The following SPIC variants were observed in gnomAD, a reference collection of about 807,000 sequenced individuals.
The protein encoded by SPIC is Spi-C transcription factor.
In SPIC, 9 loss-of-function variants were observed where a neutral mutation model predicts 16.7. That is an observed-to-expected ratio of 0.54 (90% CI 0.33 to 0.94). The LOEUF is 0.94. Among genes scored for constraint, SPIC ranks in the 40% least tolerant of loss-of-function variants. The probability of loss-of-function intolerance (pLI) is 0.03; values close to 1 mark genes in which losing one functional copy is unlikely to be tolerated. For synonymous variants in SPIC, 97 were observed against 102.9 expected, an observed-to-expected ratio of 0.94 and a Z score of 0.35; for missense variants, 241 against 285.8, an observed-to-expected ratio of 0.84 and a Z score of 1.13.
At position 101,480,829 on chromosome 12, in the gene SPIC, A is replaced by T. The variant is rs553230109; in HGVS notation, c.210+1135A>T. ...GAGCAAGACCCTGTCTCAAAAAAAA[A>T]TTTTGTAAATAAAAATTTTAAATAG... On this transcript the variant is annotated intron_variant, in intron 4 of 5. Transcript: ENST00000551346. 2.2e-3 allele frequency among the ~76,000 whole-genome samples: 338 copies of T among 152,322 alleles called. 2 individuals are homozygous for T. Among genetic ancestry groups the T allele is most frequent in the Non-Finnish European group, 2.5e-3 (167 of 68,014 alleles).
At chr12:101,476,413 A>G (rs940250316) in intron 1 of SPIC, among the ~76,000 whole-genome samples, 1 of 152,194 alleles carries the variant, frequency 6.6e-6, no homozygotes, top group African/African-American at 2.4e-5. Context: ...CTTTTGCCAG[A>G]TTCTCAGAAG....
At chr12:101,482,595 C>A (rs899869463) in intron 4 of SPIC, among the ~76,000 whole-genome samples, 197 bp from the exon 5 acceptor site, 2 of 151,994 alleles carry the variant, frequency 1.3e-5, no homozygotes, top group Admixed American at 6.6e-5. Flanking sequence ...CAAGGATTAC[C>A]CTCTGTCCCC....
At chr12:101,477,213 A>G (rs1242340017) in intron 2 of SPIC, among the ~76,000 whole-genome samples, 1 of 152,216 alleles carries the variant, frequency 6.6e-6, no homozygotes, top group East Asian at 1.9e-4. Context: ...AATGTTAAAT[A>G]CTGTACTATA....
intron 5 of SPIC, among the ~76,000 whole-genome samples, chr12:101,485,549 G>A (rs1873338063): frequency 6.6e-6 from 1 of 152,032 alleles, no homozygotes; most frequent in Non-Finnish European, 1.5e-5. Context: ...TATTTTTCAA[G>A]TAATTGTGCA....
rs758770464 is a variant in SPIC at position 101,479,583 on chromosome 12, T to C, written c.99T>C (p.Asp33=). The C allele has an allele frequency of 1.2e-6, 2 of 1,609,670 alleles. No homozygotes were observed. Among genetic ancestry groups the C allele is most frequent in the Admixed American group, 3.4e-5 (2 of 59,150 alleles). ...HSTGDLQYSP[D]YRNYLALINH... ...TTTCTTTCTCTGATTTAAAATTAGATTACAGAAATTACCTGGCTTTAATCA... is the reference window on the plus strand; with the variant it reads ...TTTCTTTCTCTGATTTAAAATTAGACTACAGAAATTACCTGGCTTTAATCA... Residue 33 remains aspartate, a splice_region_variant and synonymous_variant, in exon 4 of 6, where the codon GAT becomes GAC. Transcript: ENST00000551346.
chr12:101,479,302 AAGAAAAAAG>A (rs796081211), intron 3 of SPIC, among the ~76,000 whole-genome samples: 535 of 30,522 alleles, frequency 0.018, 29 homozygotes, highest in Middle Eastern at 0.071. Context: ...GAAAGAAAGA[AAGAAAAAAG>A]AAAGAAAGAA....
rs757615207 is a variant in SPIC, at chr12:101,479,573, T to C, written c.98-9T>C. 1 of 1,606,386 alleles carries C rather than the reference T, an allele frequency of 6.2e-7. No individual in the cohort carries two copies. Among genetic ancestry groups the C allele is most frequent in the East Asian group, 2.2e-5 (1 of 44,764 alleles). On this transcript the variant is annotated splice_polypyrimidine_tract_variant and intron_variant, in intron 3 of 5. Coordinates refer to ENST00000551346, the MANE Select transcript of SPIC (RefSeq NM_152323.3). ...ACTTTTTTAGTTTCTTTCTCTGATT[T>C]AAAATTAGATTACAGAAATTACCTG... is the stretch of plus-strand genomic sequence containing the variant.
In SPIC at chr12:101,475,467, T is replaced by C. The variant is rs1324926983; in HGVS notation, c.-113T>C. On this transcript the variant is annotated 5_prime_UTR_variant, in exon 1 of 6. It removes an upstream start codon present in the reference 5' UTR. Transcript: ENST00000551346. ...GTTGAATTTACCGTTCTGATATTAA[T>C]GAAACATCTCTATAAAGGGTTGAAG... 6.6e-6 allele frequency: 1 copy of C among 152,204 alleles called. No homozygotes were observed. Among genetic ancestry groups the C allele is most frequent in the Non-Finnish European group, 1.5e-5 (1 of 68,040 alleles). 9.4% of individuals were successfully genotyped at this position (152,204 alleles called of 1,614,324 possible).
intron 4 of SPIC, 115 bp downstream of exon 4, chr12:101,479,809 T>G: frequency 1.5e-6 from 1 of 667,822 alleles, no homozygotes; most frequent in Non-Finnish European, 2.3e-6. Context: ...TGAAAATGGT[T>G]TTTTCTTTCT....
intron 3 of SPIC, among the ~76,000 whole-genome samples, chr12:101,478,683 T>C (rs1873038830): frequency 1.3e-5 from 2 of 152,230 alleles, no homozygotes. Flanking sequence ...CAATGAATCT[T>C]ATAGACCTTC....
At chr12:101,482,984 T>C (rs977609808) in intron 5 of SPIC, 84 bp downstream of exon 5, 34 of 1,261,758 alleles carry the variant, frequency 2.7e-5, no homozygotes, top group Non-Finnish European at 3.8e-5. Context: ...TAACTGAGTT[T>C]GGAATTGAAT....
intron 1 of SPIC, among the ~76,000 whole-genome samples, chr12:101,475,905 G>A (rs1872944181): frequency 6.6e-6 from 1 of 151,710 alleles, no homozygotes; most frequent in Non-Finnish European, 1.5e-5. Context: ...CTGACATGAT[G>A]TAATGATTTC....
chr12:101,477,432 C>A, intron 2 of SPIC, 126 bp from the exon 3 acceptor site: 1 of 848,672 alleles, frequency 1.2e-6, no homozygotes, highest in Non-Finnish European at 1.9e-6. Context: ...CAGAGACAGC[C>A]AACACCAAAT....
chr12:101,477,562 G>A lies in SPIC; in HGVS notation c.8G>A (p.Cys3Tyr). The A allele has an allele frequency of 6.2e-7, 1 of 1,613,882 alleles. No homozygotes were observed. Among genetic ancestry groups the A allele is most frequent in the Non-Finnish European group, 8.5e-7 (1 of 1,179,752 alleles). ...ATTCTATCATTGTTCCAACAGACGT[G>A]TGTTGAACAAGACAAGCTGGGTCAA... MT[C>Y]VEQDKLGQAF... The change falls in exon 3 of 6, where the codon TGT (cysteine) becomes TAT (tyrosine). Residue 3 changes from cysteine (C) to tyrosine (Y), a missense_variant. Transcript: ENST00000551346.
At chr12:101,483,638 C>G (rs1190060312) in intron 5 of SPIC, among the ~76,000 whole-genome samples, 1 of 151,118 alleles carries the variant, frequency 6.6e-6, no homozygotes, top group Non-Finnish European at 1.5e-5. Context: ...TAATTGTTGC[C>G]CAGGTTAGGA....
At chr12:101,486,274 C>T (rs572308426) in intron 5 of SPIC, 70 bp from the exon 6 acceptor site, 1,054 of 1,478,652 alleles carry the variant, frequency 7.1e-4, no homozygotes, top group Non-Finnish European at 8.9e-4. Flanking sequence ...AGTTGCTCAA[C>T]AAACCCTTTC....
Position 101,476,915 on chromosome 12 carries a change from G to A in SPIC, c.3+8G>A. On this transcript the variant is annotated splice_region_variant and intron_variant, in intron 2 of 5. Coordinates refer to ENST00000551346, the MANE Select transcript of SPIC (RefSeq NM_152323.3). Reference sequence around the variant, plus strand: ...ATTTATTAATGAAATATGGTAAGCTGACATTTTAATATTTTCTTTACTCTG... The same window carrying A: ...ATTTATTAATGAAATATGGTAAGCTAACATTTTAATATTTTCTTTACTCTG... The A allele has an allele frequency of 6.9e-7, 1 of 1,458,764 alleles. No homozygotes were observed. Among genetic ancestry groups the A allele is most frequent in the South Asian group, 1.6e-5 (1 of 60,942 alleles). 90.4% of individuals were successfully genotyped at this position (1,458,764 alleles called of 1,614,324 possible).
Position 101,486,581 on chromosome 12 carries a change from G to C in SPIC, c.557G>C (p.Arg186Pro). 6.2e-7 allele frequency: 1 copy of C among 1,614,058 alleles called. No homozygotes were observed. ...YGRSGEITKI[R>P]RKLTYQFSEA... Reference sequence around the variant, plus strand: ...AGAAGTGGGGAAATTACCAAAATCCGGAGGAAGCTGACTTACCAGTTCAGT... The same window carrying C: ...AGAAGTGGGGAAATTACCAAAATCCCGAGGAAGCTGACTTACCAGTTCAGT... Residue 186 changes from arginine (R) to proline (P), a missense_variant, in exon 6 of 6, where the codon CGG (arginine) becomes CCG (proline). By Grantham distance (103) the Arg-to-Pro change is moderately radical. Coordinates refer to ENST00000551346, the MANE Select transcript of SPIC (RefSeq NM_152323.3).
chr12:101,476,092 T>G (rs1260637847), intron 1 of SPIC, among the ~76,000 whole-genome samples: 1 of 152,184 alleles, frequency 6.6e-6, no homozygotes, highest in Non-Finnish European at 1.5e-5. Flanking sequence ...TAAAAAGAAC[T>G]GCTGGGTTTA....
Sources: allele counts gnomAD v4.1 joint callset (sites outside exome capture counted in the v4.1 genomes callset), GRCh38; gene constraint gnomAD v4.1.1; transcripts MANE v1.5; gene names NCBI Gene and HGNC (gene_info 2026-07-23, HGNC 2026-07-21).